Variants in MPPED2 observed in about 807,000 individuals in gnomAD.
MPPED2 encodes metallophosphoesterase MPPED2.
In MPPED2, 5 loss-of-function variants were observed where a neutral mutation model predicts 33.0. The observed-to-expected ratio is 0.15, with a 90% CI of 0.08 to 0.32. The LOEUF (loss-of-function observed/expected upper bound fraction) is 0.32, where lower values mean the gene tolerates loss of function less well. Among genes scored for constraint, MPPED2 ranks in the 10% least tolerant of loss-of-function variants. MPPED2 has a pLI of 1.00. For synonymous variants in MPPED2, 136 were observed against 141.9 expected, an observed-to-expected ratio of 0.96 and a Z score of 0.29; for missense variants, 275 against 372.1, an observed-to-expected ratio of 0.74 and a Z score of 2.15.
At chr11:30,399,942 A>G (rs939174858) in intron 6 of MPPED2, among the ~76,000 whole-genome samples, 15 of 152,252 alleles carry the variant, frequency 9.9e-5, no homozygotes, top group Non-Finnish European at 1.9e-4. Flanking sequence ...TAAAACATTT[A>G]AAGTATTAAG....
chr11:30,525,973 A>G (rs937345764), intron 3 of MPPED2, among the ~76,000 whole-genome samples: 1 of 152,232 alleles, frequency 6.6e-6, no homozygotes, highest in Non-Finnish European at 1.5e-5. Flanking sequence ...TTATTTGAGC[A>G]TATTCAACTA....
chr11:30,445,426 C>T (rs1457827175), intron 4 of MPPED2, among the ~76,000 whole-genome samples: 4 of 152,186 alleles, frequency 2.6e-5, no homozygotes, highest in Admixed American at 6.5e-5. Context: ...CTAGTTGTCA[C>T]TAATTAGTGT....
At chr11:30,453,556 T>A (rs1167788866) in intron 4 of MPPED2, among the ~76,000 whole-genome samples, 1 of 152,226 alleles carries the variant, frequency 6.6e-6, no homozygotes, top group African/African-American at 2.4e-5. Flanking sequence ...TACCTACTTC[T>A]GGCTGCGTAT....
chr11:30,577,151 T>A (rs947810767), intron 2 of MPPED2, among the ~76,000 whole-genome samples: 1 of 152,214 alleles, frequency 6.6e-6, no homozygotes, highest in African/African-American at 2.4e-5. Flanking sequence ...AAAAGATCCT[T>A]AACCATCATT....
Position 30,493,370 on chromosome 11 carries a change from C to CAAA in MPPED2, c.536+1923_536+1925dup, listed in dbSNP as rs751635120. On this transcript the variant is annotated intron_variant, in intron 4 of 6. Transcript: ENST00000358117. ...TGGGCGACAGAACGAGACTCCGTCT[C>CAAA]AAAAAAAAAAAAAAAAAGAAAATAT... 9.5e-3 allele frequency among the ~76,000 whole-genome samples: 687 copies of CAAA among 72,160 alleles called. 8 individuals carry two copies. Among genetic ancestry groups the CAAA allele is most frequent in the African/African-American group, 0.026 (550 of 21,086 alleles). The allele number at this position is 72,160 out of a possible 152,430, so 47.3% of individuals were successfully genotyped here.
intron 2 of MPPED2, among the ~76,000 whole-genome samples, chr11:30,574,102 G>T (rs1029914284): frequency 3.3e-5 from 5 of 152,148 alleles, no homozygotes; most frequent in Non-Finnish European, 5.9e-5. Flanking sequence ...TGTTTATAAA[G>T]CCTACAGTAG....
chr11:30,458,665 A>C lies in MPPED2; in HGVS notation c.536+36631T>G, dbSNP rs556690645. Among the ~76,000 whole-genome samples, 35 of 152,258 alleles carry C rather than the reference A, an allele frequency of 2.3e-4. 1 individual carries two copies. Among genetic ancestry groups the C allele is most frequent in the South Asian group, 1.9e-3 (9 of 4,826 alleles). On this transcript the variant is annotated intron_variant, in intron 4 of 6. Coordinates refer to ENST00000358117, the MANE Select transcript of MPPED2 (RefSeq NM_001584.3). ...TACAGCTTCAAAGTCAGTTGTTCTCACACTTTAGTAGGCATAAAAATCACC... is the reference window on the plus strand; with the variant it reads ...TACAGCTTCAAAGTCAGTTGTTCTCCCACTTTAGTAGGCATAAAAATCACC...
intron 2 of MPPED2, among the ~76,000 whole-genome samples, chr11:30,563,477 C>A (rs535306515): frequency 1.3e-5 from 2 of 152,246 alleles, no homozygotes; most frequent in East Asian, 3.9e-4. Flanking sequence ...CCCAAGGTAG[C>A]CTCAATCACT....
chr11:30,567,444 C>A (rs1462688657), intron 2 of MPPED2, among the ~76,000 whole-genome samples: 1 of 152,040 alleles, frequency 6.6e-6, no homozygotes, highest in Non-Finnish European at 1.5e-5. Context: ...CTAAAAAATC[C>A]AAAGTGTTAA....
intron 2 of MPPED2, among the ~76,000 whole-genome samples, chr11:30,539,705 C>T (rs553313437): frequency 3.6e-4 from 55 of 152,234 alleles, no homozygotes; most frequent in Non-Finnish European, 7.2e-4. Context: ...ACTATAGCCT[C>T]GACCTCCCAG....
downstream of MPPED2, among the ~76,000 whole-genome samples, chr11:30,409,032 T>C (rs1948033265): frequency 6.6e-6 from 1 of 152,240 alleles, no homozygotes; most frequent in African/African-American, 2.4e-5. Context: ...CTAGTTTTAG[T>C]ACACTGGGTA....
At chr11:30,553,071 C>T (rs917196622) in intron 2 of MPPED2, among the ~76,000 whole-genome samples, 2 of 152,136 alleles carry the variant, frequency 1.3e-5, no homozygotes, top group African/African-American at 4.8e-5. Flanking sequence ...TCCCACCCAC[C>T]TCTGCTGCCT....
At chr11:30,428,273 C>T (rs1050143066) in intron 4 of MPPED2, among the ~76,000 whole-genome samples, 1 of 152,228 alleles carries the variant, frequency 6.6e-6, no homozygotes, top group Non-Finnish European at 1.5e-5. Flanking sequence ...ATGCACACAA[C>T]ATTATATATC....
At chr11:30,541,671 C>T (rs1233920348) in intron 2 of MPPED2, among the ~76,000 whole-genome samples, 2 of 152,174 alleles carry the variant, frequency 1.3e-5, no homozygotes, top group East Asian at 3.9e-4. Context: ...CACCTCACTG[C>T]AACCTCTGCC....
chr11:30,508,513 G>A (rs1436467046), intron 3 of MPPED2, among the ~76,000 whole-genome samples: 2 of 152,144 alleles, frequency 1.3e-5, no homozygotes, highest in Non-Finnish European at 2.9e-5. Flanking sequence ...CTCCACAACT[G>A]TGAGAAAATA....
intron 3 of MPPED2, among the ~76,000 whole-genome samples, chr11:30,515,820 GT>G (rs1203262089): frequency 6.6e-6 from 1 of 152,160 alleles, no homozygotes; most frequent in African/African-American, 2.4e-5. Context: ...AGCCTTTAAT[GT>G]GAAGAAAACT....
chr11:30,525,019 TATG>T (rs1954089137), intron 3 of MPPED2, among the ~76,000 whole-genome samples: 1 of 152,186 alleles, frequency 6.6e-6, no homozygotes, highest in Admixed American at 6.5e-5. Context: ...AGACTTACCC[TATG>T]ATGAGAAATG....
chr11:30,494,757 A>AAAAAAAAAAAAAAAAAG (rs768924251), intron 4 of MPPED2, among the ~76,000 whole-genome samples: 5 of 120,888 alleles, frequency 4.1e-5, no homozygotes, highest in Non-Finnish European at 6.3e-5. Flanking sequence ...AAAAAAAAAA[A>AAAAAAAAAAAAAAAAAG]AAAGAAAGAA....
intron 6 of MPPED2, among the ~76,000 whole-genome samples, chr11:30,390,857 A>G (rs918096068): frequency 8.5e-5 from 13 of 152,136 alleles, no homozygotes; most frequent in South Asian, 2.1e-4. Flanking sequence ...CCTTCCTTCC[A>G]TGGGGCCTCT....
Sources: allele counts gnomAD v4.1 joint callset (sites outside exome capture counted in the v4.1 genomes callset), GRCh38; gene constraint gnomAD v4.1.1; transcripts MANE v1.5; gene names NCBI Gene and HGNC (gene_info 2026-07-23, HGNC 2026-07-21).